Variants in ZNF34 observed in about 807,000 individuals in gnomAD.
ZNF34 encodes the protein zinc finger protein 34 (KOX 32).
In ZNF34, 8 loss-of-function variants were observed where a neutral mutation model predicts 14.4. The ratio of observed to expected loss-of-function variants is 0.55; its 90% CI spans 0.33 to 1.00. ZNF34 has a LOEUF of 1.00. Among genes scored for constraint, ZNF34 ranks in the 50% least tolerant of loss-of-function variants. The pLI is 0.03. For synonymous variants in ZNF34, 235 were observed against 247.9 expected (o/e 0.95, Z 0.49); for missense variants, 538 against 674.2 (o/e 0.80, Z 2.24).
intron 2 of ZNF34, 57 bp from the exon 3 acceptor site, chr8:144,778,582 C>G (rs1473880441): frequency 8.6e-6 from 12 of 1,390,440 alleles, no homozygotes; most frequent in Admixed American, 2.5e-5. Context: ...TTCCACAGCT[C>G]AGGCTACTTG....
rs1428554899 is a variant in ZNF34 at position 144,780,245 on chromosome 8, C to T, written c.-72G>A. 1.9e-6 allele frequency: 3 copies of T among 1,549,970 alleles called. No homozygotes were observed. The highest frequency in any genetic ancestry group is 2.6e-6 in the Non-Finnish European group (3 of 1,145,950). The stretch of plus-strand genomic sequence containing the variant: ...TGACTCACCTACCAGAAGCATGAGA[C>T]TCTCGGATTAGATACATGTGATGCA... On this transcript the variant is annotated 5_prime_UTR_variant, in exon 2 of 6. Coordinates refer to ENST00000429371, the MANE Select transcript of ZNF34 (RefSeq NM_001286769.2).
chr8:144,778,429 A>C lies in ZNF34; in HGVS notation c.33+10T>G. The C allele has an allele frequency of 6.4e-7, 1 of 1,555,034 alleles. No individual in the cohort carries two copies. The highest frequency in any genetic ancestry group is 8.7e-7 in the Non-Finnish European group (1 of 1,152,082). On this transcript the variant is annotated intron_variant, in intron 3 of 5. Transcript: ENST00000429371. ...AAAACTTCACTCCTCCCAGGAGGAC[A>C]GACACTCACCTGGGGTGGGGCAGAC...
chr8:144,777,465 G>A lies in ZNF34; in HGVS notation c.273C>T (p.Asn91=). The change falls in exon 5 of 6, where the codon AAC becomes AAT. Residue 91 remains asparagine, a synonymous_variant. Transcript: ENST00000429371. The surrounding 1 kb of genome is among the most constrained non-coding windows in gnomAD (Gnocchi z 4.8). ...GTSGKEHLRV[N]SPALGTRTEY... is the part of the protein sequence containing the mutation. Reference sequence around the variant, plus strand: ...GCAGATCCCCTCACGCACCTGGGCTGTTGACTCTCAGGTGCTCTTTCCCAG... The same window carrying A: ...GCAGATCCCCTCACGCACCTGGGCTATTGACTCTCAGGTGCTCTTTCCCAG... 1 of 1,551,666 alleles carries A rather than the reference G, an allele frequency of 6.4e-7. No individual in the cohort carries two copies. Among genetic ancestry groups the A allele is most frequent in the Non-Finnish European group, 8.7e-7 (1 of 1,146,970 alleles).
chr8:144,777,392 G>A lies in ZNF34; in HGVS notation c.280+66C>T. 6.6e-7 allele frequency: 1 copy of A among 1,519,812 alleles called. No individual in the cohort carries two copies. The highest frequency in any genetic ancestry group is 8.9e-7 in the Non-Finnish European group (1 of 1,128,044). 94.1% of individuals were successfully genotyped at this position (1,519,812 alleles called of 1,614,324 possible). A position where few individuals can be genotyped will look rare whatever the true frequency, so the allele number is the denominator to read the frequency against. Reference sequence around the variant, plus strand: ...CCACAAACTCCTGATTCATTAATCAGACACCCTGGACCCCAATAAAGGCTC... The same window carrying A: ...CCACAAACTCCTGATTCATTAATCAAACACCCTGGACCCCAATAAAGGCTC... On this transcript the variant is annotated intron_variant, in intron 5 of 5. Coordinates refer to ENST00000429371, the MANE Select transcript of ZNF34 (RefSeq NM_001286769.2). The surrounding 1 kb of genome is among the most constrained non-coding windows in gnomAD (Gnocchi z 4.8).
rs373795050 is a variant in ZNF34 at position 144,784,069 on chromosome 8, A to C, written c.-108+3210T>G. On this transcript the variant is annotated intron_variant, in intron 1 of 5. Transcript: ENST00000429371. ...CAGCTACTCGGGAGGCTGAGGCAGG[A>C]GAATGGCGCGAACCCGGGAGGCGGA... is the stretch of plus-strand genomic sequence containing the variant. Among the ~76,000 whole-genome samples, 5 of 151,786 alleles carry C rather than the reference A, an allele frequency of 3.3e-5. No individual in the cohort carries two copies. In the South Asian group the frequency reaches 1.0e-3, roughly 32 times the overall value.
intron 1 of ZNF34, among the ~76,000 whole-genome samples, chr8:144,781,277 T>C (rs1435950843): frequency 3.3e-5 from 5 of 151,448 alleles, no homozygotes; most frequent in Non-Finnish European, 7.4e-5. Context: ...GGAGTGAGTT[T>C]TTTTTTTTTT....
chr8:144,777,605 G>C lies in ZNF34; in HGVS notation c.161-28C>G. ...GGGAAGGAGACAGGGACTGGGGTTG[G>C]TACCAAGGACACAGGGCAGCACCTA... On this transcript the variant is annotated intron_variant, in intron 4 of 5. Coordinates refer to ENST00000429371, the MANE Select transcript of ZNF34 (RefSeq NM_001286769.2). The surrounding 1 kb of genome is among the most constrained non-coding windows in gnomAD (Gnocchi z 4.8). 6.5e-7 allele frequency: 1 copy of C among 1,550,008 alleles called. No homozygotes were observed. Among genetic ancestry groups the C allele is most frequent in the Non-Finnish European group, 8.7e-7 (1 of 1,146,564 alleles).
At chr8:144,785,899 A>G (rs1826198252) in intron 1 of ZNF34, among the ~76,000 whole-genome samples, 1 of 152,138 alleles carries the variant, frequency 6.6e-6, no homozygotes, top group Non-Finnish European at 1.5e-5. Context: ...GGTGGAAAGT[A>G]ATGTCAAGGA....
chr8:144,773,679 A>T lies in ZNF34; in HGVS notation c.1207T>A (p.Cys403Ser). The change falls in exon 6 of 6, where the codon TGT becomes AGT. Residue 403 changes from cysteine to serine, a missense_variant. Physicochemically the swap from Cys to Ser is moderately radical, Grantham distance 112 (BLOSUM62 -1). Coordinates refer to ENST00000429371, the MANE Select transcript of ZNF34 (RefSeq NM_001286769.2). The surrounding 1 kb of genome is among the most constrained non-coding windows in gnomAD (Gnocchi z 5.4). ...TGEKPYKCNE[C>S]EKAFIQKTKL... ...GTTTTTTGAATGAAAGCTTTCTCAC[A>T]TTCATTACATTTATAGGGTTTCTCT... The T allele has an allele frequency of 6.2e-7, 1 of 1,614,006 alleles. No individual in the cohort carries two copies. Among genetic ancestry groups the T allele is most frequent in the Non-Finnish European group, 8.5e-7 (1 of 1,179,954 alleles).
rs1185723990 is a variant in ZNF34, at chr8:144,777,444, A to G, written c.280+14T>C. ...TTCGGTGACTTGAGTTGGGGAGCAGATCCCCTCACGCACCTGGGCTGTTGA... is the reference window on the plus strand; with the variant it reads ...TTCGGTGACTTGAGTTGGGGAGCAGGTCCCCTCACGCACCTGGGCTGTTGA... On this transcript the variant is annotated intron_variant, in intron 5 of 5. Transcript: ENST00000429371. This position sits in a 1 kb window ranked among gnomAD's most constrained non-coding sequence, Gnocchi z 4.8. 2.0e-5 allele frequency: 31 copies of G among 1,550,822 alleles called. No homozygotes were observed. Among genetic ancestry groups the G allele is most frequent in the Non-Finnish European group, 2.3e-5 (26 of 1,146,596 alleles).
chr8:144,784,458 TAAA>T (rs397891745), intron 1 of ZNF34, among the ~76,000 whole-genome samples: 11 of 126,226 alleles, frequency 8.7e-5, no homozygotes, highest in Admixed American at 8.3e-5. Flanking sequence ...ACCTAAACAT[TAAA>T]AAAAAAAAAA....
chr8:144,774,695 T>G (rs1038674893), intron 5 of ZNF34, 90 bp from the exon 6 acceptor site: 1 of 1,464,912 alleles, frequency 6.8e-7, no homozygotes, highest in African/African-American at 1.4e-5. Flanking sequence ...GGGGAACCAA[T>G]TTGATCATCT....
intron 1 of ZNF34, among the ~76,000 whole-genome samples, chr8:144,783,815 A>G (rs1025033555): frequency 5.9e-5 from 9 of 152,250 alleles, no homozygotes; most frequent in African/African-American, 1.7e-4. Flanking sequence ...ACAGGACATG[A>G]TATCTGACCA....
At position 144,774,010 on chromosome 8, in the gene ZNF34, C is replaced by T; in HGVS notation, c.876G>A (p.Gly292=). The change falls in exon 6 of 6, where the codon GGG becomes GGA. Residue 292 remains glycine (G), a synonymous_variant. Coordinates refer to ENST00000429371, the MANE Select transcript of ZNF34 (RefSeq NM_001286769.2). Reference sequence around the variant, plus strand: ...GGTTGGGCCTCCGGGTGAATGTCTTCCCACACTCGTCACACCGGTAGGGAA... The same window carrying T: ...GGTTGGGCCTCCGGGTGAATGTCTTTCCACACTCGTCACACCGGTAGGGAA... ...GEIPYRCDEC[G]KTFTRRPNLM... is the part of the protein sequence containing the mutation. 2 of 1,614,104 alleles carry T rather than the reference C, an allele frequency of 1.2e-6. No homozygotes were observed. Among genetic ancestry groups the T allele is most frequent in the Non-Finnish European group, 1.7e-6 (2 of 1,180,020 alleles).
intron 1 of ZNF34, among the ~76,000 whole-genome samples, chr8:144,783,972 T>C (rs768786801): frequency 7.2e-5 from 11 of 151,884 alleles, no homozygotes; most frequent in Non-Finnish European, 1.3e-4. Context: ...CCATCCTGGC[T>C]AACATGGTGA....
rs1825345094 is a variant in ZNF34, at chr8:144,774,120, T to A, written c.766A>T (p.Lys256Ter). 1 of 1,613,972 alleles carries A rather than the reference T, an allele frequency of 6.2e-7. No individual in the cohort carries two copies. The highest frequency in any genetic ancestry group is 1.7e-5 in the Admixed American group (1 of 59,978). The change falls in exon 6 of 6, where the codon AAG becomes TAG. Residue 256 changes from lysine (K) to a stop codon, truncating the protein, a stop_gained. Coordinates refer to ENST00000429371, the MANE Select transcript of ZNF34 (RefSeq NM_001286769.2). LOFTEE classifies it low-confidence loss of function (END_TRUNC). ...CCACACTCATCACATTTGTAGGGCT[T>A]CTCTTCAGTGTGAAGCCGCTGATGC... is the stretch of plus-strand genomic sequence containing the variant. Reference protein sequence around the residue: ...VKHQRLHTEEKPYKCDECGKA... With the variant: ...VKHQRLHTEE
At chr8:144,780,839 A>C (rs960634575) in intron 1 of ZNF34, among the ~76,000 whole-genome samples, 4 of 151,510 alleles carry the variant, frequency 2.6e-5, no homozygotes, top group African/African-American at 9.7e-5. Context: ...GAATAAAAAA[A>C]ACACTGCATA....
At chr8:144,776,464 G>A (rs1825521661) in intron 5 of ZNF34, among the ~76,000 whole-genome samples, 1 of 151,424 alleles carries the variant, frequency 6.6e-6, no homozygotes, top group Non-Finnish European at 1.5e-5. Context: ...GCCAGGCATG[G>A]CGGCAGGCAC....
intron 1 of ZNF34, among the ~76,000 whole-genome samples, 169 bp downstream of exon 1, chr8:144,787,110 T>C (rs1403630471): frequency 9.5e-6 from 1 of 104,944 alleles, no homozygotes; most frequent in Non-Finnish European, 1.8e-5. Context: ...CAGTCCGTAC[T>C]CGGGGCCTTG....
Sources: allele counts gnomAD v4.1 joint callset (sites outside exome capture counted in the v4.1 genomes callset), GRCh38; gene constraint gnomAD v4.1.1; non-coding constraint Gnocchi (gnomAD v3.1); transcripts MANE v1.5; gene names NCBI Gene and HGNC (gene_info 2026-07-23, HGNC 2026-07-21).